TUBA8: variants seen among roughly 807,000 people sequenced by gnomAD.
TUBA8 encodes tubulin alpha-8 chain.
TUBA8 carries 29 observed loss-of-function variants against 34.7 expected under a neutral mutation model. The ratio of observed to expected loss-of-function variants is 0.84; its 90% CI spans 0.62 to 1.14. The LOEUF is 1.14. Among genes scored for constraint, TUBA8 ranks in the 50% most tolerant of loss-of-function variants. The pLI, the probability that TUBA8 is intolerant of heterozygous loss-of-function variation, is 0.00. For missense variants in TUBA8, 541 were observed against 599.2 expected (o/e 0.90, Z 1.01); for synonymous variants, 226 against 231.2 (o/e 0.98, Z 0.21).
In TUBA8 at chr22:18,118,570, C is replaced by A. The variant is rs181911228; in HGVS notation, c.4-2909C>A. 1 of 152,200 alleles carries A rather than the reference C, an allele frequency of 6.6e-6. No individual in the cohort carries two copies. Among genetic ancestry groups the A allele is most frequent in the Non-Finnish European group, 1.5e-5 (1 of 68,036 alleles). The allele number at this position is 152,200 out of a possible 1,614,324, so 9.4% of individuals were successfully genotyped here. A position where few individuals can be genotyped will look rare whatever the true frequency, so the allele number is the denominator to read the frequency against. ...TCCCCACCCTGGACCTGGACGCCTC[C>A]GTCTCTCCAAGGAGCCCAGTTCCTG... On this transcript the variant is annotated intron_variant, in intron 1 of 4. Transcript: ENST00000330423. This position sits in a 1 kb window ranked among gnomAD's most constrained non-coding sequence, Gnocchi z 4.0.
In TUBA8 at chr22:18,126,821, C is replaced by T. The variant is rs375531962; in HGVS notation, c.843C>T (p.Ala281=). Residue 281 remains alanine, a synonymous_variant, in exon 4 of 5, where the codon GCC becomes GCT. Transcript: ENST00000330423. The surrounding 1 kb of genome is among the most constrained non-coding windows in gnomAD (Gnocchi z 4.0). ...CGCCCATCATCTCTGCCGAGAAAGCCTATCACGAACAGCTCTCTGTGGCCG... is the reference window on the plus strand; with the variant it reads ...CGCCCATCATCTCTGCCGAGAAAGCTTATCACGAACAGCTCTCTGTGGCCG... The part of the protein sequence containing the change: ...TYAPIISAEK[A]YHEQLSVAEI... 4.6e-5 allele frequency: 75 copies of T among 1,613,518 alleles called. No individual in the cohort carries two copies. The highest frequency in any genetic ancestry group is 6.4e-5 in the Non-Finnish European group (75 of 1,179,620).
chr22:18,117,930 A>G (rs906562312), intron 1 of TUBA8: 3 of 152,052 alleles, frequency 2.0e-5, no homozygotes, highest in African/African-American at 7.3e-5. Context: ...TTTCCTGTGA[A>G]GTGGAAACTG....
chr22:18,112,210 G>C (rs191977984), intron 1 of TUBA8: 2 of 152,320 alleles, frequency 1.3e-5, no homozygotes, highest in East Asian at 1.9e-4. Context: ...AAATTTCCAA[G>C]ACTCCACTTA....
chr22:18,126,030 T>C lies in TUBA8; in HGVS notation c.376-324T>C, dbSNP rs1287148585. On this transcript the variant is annotated intron_variant, in intron 3 of 4. Coordinates refer to ENST00000330423, the MANE Select transcript of TUBA8 (RefSeq NM_018943.3). This position sits in a 1 kb window ranked among gnomAD's most constrained non-coding sequence, Gnocchi z 4.0. Reference sequence around the variant, plus strand: ...GTGTGCATCACCACGCCCAGTTAACTTTTAAAATTTTTTGTAGATGCGAGG... The same window carrying C: ...GTGTGCATCACCACGCCCAGTTAACCTTTAAAATTTTTTGTAGATGCGAGG... 3 of 362,700 alleles carry C rather than the reference T, an allele frequency of 8.3e-6. No individual in the cohort carries two copies. Among genetic ancestry groups the C allele is most frequent in the African/African-American group, 2.1e-5 (1 of 47,764 alleles). The allele number at this position is 362,700 out of a possible 1,614,324, so 22.5% of individuals were successfully genotyped here.
chr22:18,124,221 G>T lies in TUBA8; in HGVS notation c.292G>T (p.Asp98Tyr). 1 of 1,614,210 alleles carries T rather than the reference G, an allele frequency of 6.2e-7. No individual in the cohort carries two copies. Residue 98 changes from aspartate (D) to tyrosine (Y), a missense_variant, in exon 3 of 5, where the codon GAT becomes TAT. By Grantham distance (160) the Asp-to-Tyr change is radical (BLOSUM62 -3). Coordinates refer to ENST00000330423, the MANE Select transcript of TUBA8 (RefSeq NM_018943.3). The surrounding 1 kb of genome is among the most constrained non-coding windows in gnomAD (Gnocchi z 4.3). ...AGAGCAGCTGATCACAGGAAAGGAG[G>T]ATGCAGCCAACAACTATGCCCGGGG... is the stretch of plus-strand genomic sequence containing the variant. ...HPEQLITGKE[D>Y]AANNYARGHY...
At chr22:18,129,386 T>A (rs549806910) in intron 4 of TUBA8, 4 of 152,322 alleles carry the variant, frequency 2.6e-5, no homozygotes, top group African/African-American at 9.6e-5. Context: ...GAAAAGTATG[T>A]TCCCTGGAGA....
At position 18,111,757 on chromosome 22, in the gene TUBA8, G is replaced by T. The variant is rs1927820329; in HGVS notation, c.3+889G>T. On this transcript the variant is annotated intron_variant, in intron 1 of 4. Coordinates refer to ENST00000330423, the MANE Select transcript of TUBA8 (RefSeq NM_018943.3). This position sits in a 1 kb window ranked among gnomAD's most constrained non-coding sequence, Gnocchi z 5.1. ...CAGCAGTAGGGAGATGGGCTGGAAA[G>T]ATTGGGGGCAGAGTGAGGGCAGAAT... is the stretch of plus-strand genomic sequence containing the variant. 1 of 152,270 alleles carries T rather than the reference G, an allele frequency of 6.6e-6. No individual in the cohort carries two copies. Among genetic ancestry groups the T allele is most frequent in the Non-Finnish European group, 1.5e-5 (1 of 68,108 alleles). The allele number at this position is 152,270 out of a possible 1,614,324, so 9.4% of individuals were successfully genotyped here. A position where few individuals can be genotyped will look rare whatever the true frequency, so the allele number is the denominator to read the frequency against.
Position 18,131,297 on chromosome 22 carries a change from T to C in TUBA8, c.*161T>C. 1.4e-6 allele frequency: 1 copy of C among 710,244 alleles called. No homozygotes were observed. The highest frequency in any genetic ancestry group is 2.7e-5 in the East Asian group (1 of 36,946). The allele number at this position is 710,244 out of a possible 1,614,324, so 44.0% of individuals were successfully genotyped here. A position where few individuals can be genotyped will look rare whatever the true frequency, so the allele number is the denominator to read the frequency against. On this transcript the variant is annotated 3_prime_UTR_variant, in exon 5 of 5. Transcript: ENST00000330423. This position sits in a 1 kb window ranked among gnomAD's most constrained non-coding sequence, Gnocchi z 5.3. ...CCCAGGGTGGCACGACTGGGCTAAG[T>C]GGACACTGAGCTTCATCAGGCCCTC... is the stretch of plus-strand genomic sequence containing the variant.
intron 1 of TUBA8, chr22:18,115,902 GA>G (rs1490338224): frequency 6.6e-6 from 1 of 152,254 alleles, no homozygotes; most frequent in East Asian, 1.9e-4. Flanking sequence ...CCCCCCAGAA[GA>G]AGTTGGGTGG....
rs191446824 is a variant in TUBA8, at chr22:18,110,947, C to G, written c.3+79C>G. 1.1e-5 allele frequency: 17 copies of G among 1,531,674 alleles called. No homozygotes were observed. In the African/African-American group the frequency reaches 1.6e-4, roughly 15 times the overall value. The allele number at this position is 1,531,674 out of a possible 1,614,324, so 94.9% of individuals were successfully genotyped here. On this transcript the variant is annotated intron_variant, in intron 1 of 4. Transcript: ENST00000330423. The surrounding 1 kb of genome is among the most constrained non-coding windows in gnomAD (Gnocchi z 6.2). Reference sequence around the variant, plus strand: ...AGAGCCGAGTCTACGCGGAGGCGCACGGACCCGTCTTCCTGGAGCCGCAGG... The same window carrying G: ...AGAGCCGAGTCTACGCGGAGGCGCAGGGACCCGTCTTCCTGGAGCCGCAGG...
Position 18,131,470 on chromosome 22 carries a change from G to C in TUBA8, c.*334G>C, listed in dbSNP as rs573279478. On this transcript the variant is annotated 3_prime_UTR_variant, in exon 5 of 5. Coordinates refer to ENST00000330423, the MANE Select transcript of TUBA8 (RefSeq NM_018943.3). The surrounding 1 kb of genome is among the most constrained non-coding windows in gnomAD (Gnocchi z 5.3). ...TGGGTCCAGCCCCAAAACATGGCCT[G>C]CTGGCTGGGGAGTGGGAACACTCAG... The C allele has an allele frequency of 2.9e-6, 1 of 344,824 alleles. No individual in the cohort carries two copies. Among genetic ancestry groups the C allele is most frequent in the Admixed American group, 4.3e-5 (1 of 23,306 alleles). 21.4% of individuals were successfully genotyped at this position (344,824 alleles called of 1,614,324 possible). A position where few individuals can be genotyped will look rare whatever the true frequency, so the allele number is the denominator to read the frequency against.
intron 2 of TUBA8, chr22:18,122,742 G>A (rs768102782): frequency 3.9e-5 from 6 of 152,074 alleles, no homozygotes; most frequent in Admixed American, 1.3e-4. Flanking sequence ...GGGGGTCTAG[G>A]TTCTGGGCAG....
Position 18,131,285 on chromosome 22 carries a change from G to A in TUBA8, c.*149G>A, listed in dbSNP as rs940513498. ...CTGGCCCCAGTACCCAGGGTGGCAC[G>A]ACTGGGCTAAGTGGACACTGAGCTT... On this transcript the variant is annotated 3_prime_UTR_variant, in exon 5 of 5. Transcript: ENST00000330423. The surrounding 1 kb of genome is among the most constrained non-coding windows in gnomAD (Gnocchi z 5.3). 55 of 795,914 alleles carry A rather than the reference G, an allele frequency of 6.9e-5. No individual in the cohort carries two copies. Among genetic ancestry groups the A allele is most frequent in the African/African-American group, 6.7e-4 (39 of 58,450 alleles). 49.3% of individuals were successfully genotyped at this position (795,914 alleles called of 1,614,324 possible).
intron 3 of TUBA8, chr22:18,125,603 A>G: frequency 6.6e-6 from 1 of 151,814 alleles, no homozygotes; most frequent in East Asian, 1.9e-4. Flanking sequence ...CAAAGTTGAT[A>G]TTAGAACTCA....
rs375833889 is a variant in TUBA8 at position 18,124,122 on chromosome 22, G to T, written c.227-34G>T. 3.7e-6 allele frequency: 6 copies of T among 1,613,804 alleles called. No individual in the cohort carries two copies. In the Admixed American group the frequency reaches 6.7e-5, roughly 18 times the overall value. On this transcript the variant is annotated intron_variant, in intron 2 of 4. Transcript: ENST00000330423. This position sits in a 1 kb window ranked among gnomAD's most constrained non-coding sequence, Gnocchi z 4.3. ...GTAGGGAGGGAGGCTTCTCCCCTGG[G>T]CAGTAGGACCTAATGGTCTTCCTCT...
chr22:18,121,265 C>T lies in TUBA8; in HGVS notation c.4-214C>T. ...GGTATAAAAGGTCAACCCTGGGAAG[C>T]AACCTTTAGAGCAAAGCACAAAACA... On this transcript the variant is annotated intron_variant, in intron 1 of 4. Coordinates refer to ENST00000330423, the MANE Select transcript of TUBA8 (RefSeq NM_018943.3). This position sits in a 1 kb window ranked among gnomAD's most constrained non-coding sequence, Gnocchi z 4.8. The T allele has an allele frequency of 1.7e-6, 1 of 583,688 alleles. No individual in the cohort carries two copies. Among genetic ancestry groups the T allele is most frequent in the Non-Finnish European group, 3.1e-6 (1 of 322,518 alleles). The allele number at this position is 583,688 out of a possible 1,614,324, so 36.2% of individuals were successfully genotyped here.
intron 2 of TUBA8, chr22:18,122,526 T>C (rs1928177387): frequency 6.6e-6 from 1 of 152,378 alleles, no homozygotes; most frequent in Admixed American, 6.5e-5. Flanking sequence ...GGTGACATAG[T>C]TGGGGCCTGA....
Position 18,111,230 on chromosome 22 carries a change from G to C in TUBA8, c.3+362G>C, listed in dbSNP as rs369631180. The C allele has an allele frequency of 3.1e-5, 12 of 386,036 alleles. No homozygotes were observed. The highest frequency in any genetic ancestry group is 9.2e-5 in the East Asian group (2 of 21,678). 23.9% of individuals were successfully genotyped at this position (386,036 alleles called of 1,614,324 possible). On this transcript the variant is annotated intron_variant, in intron 1 of 4. Transcript: ENST00000330423. This position sits in a 1 kb window ranked among gnomAD's most constrained non-coding sequence, Gnocchi z 5.1. ...AGAGAAGGGCGAGTCCGGGGATTCT[G>C]GATGGGTGGTCTGGGCCGGGGCGAC... is the stretch of plus-strand genomic sequence containing the variant.
rs1436686201 is a variant in TUBA8 at position 18,130,907 on chromosome 22, C to A, written c.1121C>A (p.Ala374Asp). The change falls in exon 5 of 5, where the codon GCC becomes GAC. Residue 374 changes from alanine to aspartate, a missense_variant. Transcript: ENST00000330423. ...PGGDLAKVQR[A>D]VCMLSNTTAI... ...GGAGACCTGGCCAAGGTGCAGCGGG[C>A]CGTCTGCATGCTCAGCAACACCACG... The A allele has an allele frequency of 1.9e-6, 3 of 1,614,018 alleles. No individual in the cohort carries two copies. The South Asian group carries it at 3.3e-5, about 18-fold the overall frequency.
Sources: gnomAD v4.1 joint callset for allele counts on GRCh38, gnomAD v4.1.1 for gene constraint, Gnocchi (gnomAD v3.1) non-coding constraint, MANE v1.5 for transcripts, NCBI Gene and HGNC (gene_info 2026-07-23, HGNC 2026-07-21) for gene names.